Variants in COL21A1 observed in about 807,000 individuals in gnomAD.
The protein encoded by COL21A1 is collagen type XXI alpha 1 chain.
Under a neutral mutation model 137.9 loss-of-function variants are expected in COL21A1, and 149 were observed. That is an observed-to-expected ratio of 1.08 (90% confidence interval 0.95 to 1.24). The LOEUF (loss-of-function observed/expected upper bound fraction) is 1.24, where lower values mean the gene tolerates loss of function less well. Among genes scored for constraint, COL21A1 ranks in the 50% most tolerant of loss-of-function variants. The pLI is 0.00. For synonymous variants in COL21A1, 456 were observed against 391.5 expected (o/e 1.16, Z -1.95); for missense variants, 1,167 against 1,158.4 (o/e 1.01, Z -0.11).
chr6:56,264,100 C>T (rs775056781), intron 1 of COL21A1, among the ~76,000 whole-genome samples: 3 of 152,054 alleles, frequency 2.0e-5, no homozygotes, highest in South Asian at 2.1e-4. Flanking sequence ...ACATATTTAT[C>T]GTATGTCTTT....
chr6:56,223,492 A>C lies in COL21A1; in HGVS notation c.-39+23895T>G, dbSNP rs547557073. Among the ~76,000 whole-genome samples the C allele has an allele frequency of 1.0e-3, 153 of 152,238 alleles. 1 individual carries two copies. Among genetic ancestry groups the C allele is most frequent in the East Asian group, 9.7e-4 (5 of 5,172 alleles). ...ATTAAATTCCTCTAAAAATTTAGGT[A>C]CTAGGTTTATGCAATTTTCTTTACA... is the stretch of plus-strand genomic sequence containing the variant. On this transcript the variant is annotated intron_variant, in intron 1 of 29. Coordinates refer to ENST00000244728, the MANE Select transcript of COL21A1 (RefSeq NM_030820.4).
intron 1 of COL21A1, among the ~76,000 whole-genome samples, chr6:56,376,193 C>A (rs1218297133): frequency 6.6e-6 from 1 of 152,120 alleles, no homozygotes; most frequent in Non-Finnish European, 1.5e-5. Flanking sequence ...ACTGTATATC[C>A]AATAAGAGGT....
chr6:56,296,824 A>G lies in COL21A1; in HGVS notation c.-39+97147T>C, dbSNP rs139238918. ...AAACACTTGAGAAATCATGTACTCT[A>G]GGCACTAAATATATGAAATGGATTA... On this transcript the variant is annotated intron_variant, in intron 1 of 28. Transcript: ENST00000370819. Among the ~76,000 whole-genome samples the G allele has an allele frequency of 7.0e-4, 106 of 152,176 alleles. 2 individuals are homozygous for G. The East Asian group carries it at 0.02, about 28-fold the overall frequency.
At chr6:56,193,973 T>G (rs988889767) in intron 1 of COL21A1, among the ~76,000 whole-genome samples, 3 of 152,148 alleles carry the variant, frequency 2.0e-5, no homozygotes. Flanking sequence ...CAGGATGGTC[T>G]TGATTTCTTG....
At chr6:56,231,828 T>A (rs1781583510) in intron 1 of COL21A1, among the ~76,000 whole-genome samples, 1 of 151,834 alleles carries the variant, frequency 6.6e-6, no homozygotes, top group Admixed American at 6.6e-5. Flanking sequence ...AACATTCAGA[T>A]CATTCTCTTT....
chr6:56,246,707 G>A (rs1245547947), intron 1 of COL21A1, among the ~76,000 whole-genome samples: 2 of 152,126 alleles, frequency 1.3e-5, no homozygotes, highest in Non-Finnish European at 2.9e-5. Context: ...GGTCTAGGGC[G>A]GAGCTAGAGC....
intron 20 of COL21A1, among the ~76,000 whole-genome samples, 173 bp downstream of exon 20, chr6:56,074,059 C>T (rs796264806): frequency 1.3e-5 from 2 of 151,338 alleles, no homozygotes; most frequent in Non-Finnish European, 3.0e-5. Context: ...TTTACTTTAG[C>T]CTGTTTCTTA....
intron 20 of COL21A1, among the ~76,000 whole-genome samples, chr6:56,071,665 T>G (rs1562149869): frequency 6.6e-6 from 1 of 151,602 alleles, no homozygotes; most frequent in African/African-American, 2.4e-5. Context: ...AATTAAAGCA[T>G]TTAGCACATA....
chr6:56,264,751 C>T (rs567161435), intron 1 of COL21A1, among the ~76,000 whole-genome samples: 1 of 152,310 alleles, frequency 6.6e-6, no homozygotes, highest in South Asian at 2.1e-4. Context: ...CCTGTACACC[C>T]TAAATTTAAT....
intron 22 of COL21A1, 85 bp from the exon 23 acceptor site, chr6:56,067,415 A>G: frequency 8.0e-7 from 1 of 1,254,738 alleles, no homozygotes; most frequent in Non-Finnish European, 1.1e-6. Context: ...CTGCTGAAGA[A>G]AAACAACATC....
intron 1 of COL21A1, among the ~76,000 whole-genome samples, chr6:56,205,837 G>A (rs1390385168): frequency 2.0e-5 from 3 of 152,110 alleles, no homozygotes; most frequent in Non-Finnish European, 4.4e-5. Flanking sequence ...TTCTACATTC[G>A]TAAAGAAAAG....
chr6:56,242,870 G>A (rs956051407), intron 1 of COL21A1, among the ~76,000 whole-genome samples: 5 of 152,164 alleles, frequency 3.3e-5, no homozygotes, highest in African/African-American at 1.2e-4. Flanking sequence ...AAGTGGAACA[G>A]GTATAACTGT....
intron 1 of COL21A1, among the ~76,000 whole-genome samples, chr6:56,208,046 A>G (rs1383046332): frequency 1.3e-5 from 2 of 152,124 alleles, no homozygotes; most frequent in East Asian, 3.8e-4. Context: ...AAATCATAAG[A>G]GCTATTTATG....
At chr6:56,297,843 T>C (rs533358272) in intron 1 of COL21A1, among the ~76,000 whole-genome samples, 2 of 152,224 alleles carry the variant, frequency 1.3e-5, no homozygotes, top group East Asian at 3.9e-4. Context: ...CTGAACATTA[T>C]GTTACAGTTA....
At position 56,304,031 on chromosome 6, in the gene COL21A1, C is replaced by T. The variant is rs572123636; in HGVS notation, c.-39+89940G>A. ...TTGGTTCTGTTTATATGCTGGATTACGTTTATTGATTTGCATATGTTGAAC... is the reference window on the plus strand; with the variant it reads ...TTGGTTCTGTTTATATGCTGGATTATGTTTATTGATTTGCATATGTTGAAC... On this transcript the variant is annotated intron_variant, in intron 1 of 28. Coordinates refer to the COL21A1 transcript ENST00000370819. Among the ~76,000 whole-genome samples the T allele has an allele frequency of 1.1e-4, 16 of 152,198 alleles. 1 individual carries two copies. The highest frequency in any genetic ancestry group is 3.9e-4 in the African/African-American group (16 of 41,516).
intron 1 of COL21A1, among the ~76,000 whole-genome samples, chr6:56,283,579 G>A (rs1283770419): frequency 2.0e-5 from 3 of 152,034 alleles, no homozygotes; most frequent in African/African-American, 7.2e-5. Context: ...TTTAAAGGAA[G>A]ACATATACCA....
chr6:56,132,775 T>C (rs1285554889), intron 12 of COL21A1, among the ~76,000 whole-genome samples: 2 of 152,150 alleles, frequency 1.3e-5, no homozygotes, highest in African/African-American at 4.8e-5. Context: ...GGGCGGGTCT[T>C]TCACGTGCTG....
chr6:56,264,544 T>C (rs1048563304), intron 1 of COL21A1, among the ~76,000 whole-genome samples: 1 of 152,206 alleles, frequency 6.6e-6, no homozygotes, highest in Non-Finnish European at 1.5e-5. Flanking sequence ...TAGAAGATTT[T>C]ATTTACATGA....
At chr6:56,320,636 G>A (rs1387247757) in intron 1 of COL21A1, among the ~76,000 whole-genome samples, 1 of 151,840 alleles carries the variant, frequency 6.6e-6, no homozygotes, top group Non-Finnish European at 1.5e-5. Flanking sequence ...ACCAATCAGG[G>A]TCTGCCTAAT....
Sources: gnomAD v4.1 joint callset for allele counts (sites outside exome capture counted in the v4.1 genomes callset) on GRCh38, gnomAD v4.1.1 for gene constraint, MANE v1.5 for transcripts, NCBI Gene and HGNC (gene_info 2026-07-23, HGNC 2026-07-21) for gene names.